Variants in TBCA observed in about 807,000 individuals in gnomAD.
TBCA encodes the protein tubulin folding cofactor A, also known as tubulin-specific chaperone A.
A neutral mutation model predicts 15.8 loss-of-function variants in TBCA; 6 were observed. The observed-to-expected ratio is 0.38, with a 90% CI of 0.21 to 0.75. The LOEUF (loss-of-function observed/expected upper bound fraction) is 0.75, where lower values mean the gene tolerates loss of function less well. TBCA is among the 30% of genes least tolerant of loss of function. The probability of loss-of-function intolerance (pLI) is 0.46; values close to 1 mark genes in which losing one functional copy is unlikely to be tolerated. For missense variants in TBCA, 90 were observed against 131.2 expected (o/e 0.69, Z 1.53); for synonymous variants, 32 against 42.3 (o/e 0.76, Z 0.94).
At chr5:77,717,091 T>C (rs1746414405) in intron 1 of TBCA, among the ~76,000 whole-genome samples, 1 of 152,224 alleles carries the variant, frequency 6.6e-6, no homozygotes, top group African/African-American at 2.4e-5. Context: ...GAGGAAATCC[T>C]GCCTAAAAAG....
intron 1 of TBCA, among the ~76,000 whole-genome samples, chr5:77,738,884 C>G (rs1391819766): frequency 6.6e-6 from 1 of 152,018 alleles, no homozygotes; most frequent in African/African-American, 2.4e-5. Context: ...CACCTGGCCT[C>G]AAGTCACCAG....
intron 1 of TBCA, among the ~76,000 whole-genome samples, chr5:77,760,952 G>A (rs1271248867): frequency 2.3e-5 from 2 of 87,982 alleles, no homozygotes; most frequent in African/African-American, 9.0e-5. Flanking sequence ...ACCTCTGCCC[G>A]GCCACCCATC....
At chr5:77,741,123 T>C (rs534448301) in intron 1 of TBCA, among the ~76,000 whole-genome samples, 6 of 152,324 alleles carry the variant, frequency 3.9e-5, no homozygotes, top group Admixed American at 3.3e-4. Context: ...TGATCTTTTT[T>C]ACTGCTACTA....
chr5:77,713,019 T>C (rs1272145197), intron 1 of TBCA, among the ~76,000 whole-genome samples: 1 of 152,102 alleles, frequency 6.6e-6, no homozygotes, highest in Non-Finnish European at 1.5e-5. Flanking sequence ...TTGGGCCAGG[T>C]ACAGCGGCTC....
At chr5:77,692,662 T>C (rs1745780711) in intron 3 of TBCA, 1 of 984,450 alleles carries the variant, frequency 1.0e-6, no homozygotes, top group Non-Finnish European at 1.2e-6. Context: ...GCATTTAAAC[T>C]GTCAAGAAAT....
intron 2 of TBCA, among the ~76,000 whole-genome samples, chr5:77,704,435 G>A (rs1220861783): frequency 1.3e-5 from 2 of 152,204 alleles, no homozygotes; most frequent in Non-Finnish European, 2.9e-5. Flanking sequence ...GAAAGCCAGA[G>A]CAAAACGGAT....
In TBCA at chr5:77,770,903, C is replaced by T. The variant is rs184101244; in HGVS notation, c.53+5302G>A. On this transcript the variant is annotated intron_variant, in intron 1 of 3. Coordinates refer to ENST00000380377, the MANE Select transcript of TBCA (RefSeq NM_004607.3). ...ATAATTCCAGCACTTTGGGAGGCCA[C>T]GGCAGGTGGATCACCTGAGGTCAGG... Among the ~76,000 whole-genome samples the T allele has an allele frequency of 9.1e-3, 1,385 of 152,116 alleles. 16 individuals are homozygous for T. The highest frequency in any genetic ancestry group is 0.031 in the African/African-American group (1,285 of 41,490).
In TBCA at chr5:77,701,560, G is replaced by C. The variant is rs192234064; in HGVS notation, c.159+6682C>G. Among the ~76,000 whole-genome samples, 14 of 151,426 alleles carry C rather than the reference G, an allele frequency of 9.2e-5. No individual in the cohort carries two copies. The East Asian group carries it at 2.5e-3, about 27-fold the overall frequency. ...ATTCCTATTGGGTATCTACCCAGAG[G>C]AAAAGACGTCATTATATGAAAAAGA... On this transcript the variant is annotated intron_variant, in intron 2 of 3. Transcript: ENST00000380377.
At chr5:77,695,762 A>G (rs1268202743) in intron 2 of TBCA, among the ~76,000 whole-genome samples, 1 of 152,184 alleles carries the variant, frequency 6.6e-6, no homozygotes, top group African/African-American at 2.4e-5. Context: ...GTTTATTCTA[A>G]TGTTGACTAT....
At chr5:77,703,116 T>C (rs1161107275) in intron 2 of TBCA, among the ~76,000 whole-genome samples, 1 of 152,232 alleles carries the variant, frequency 6.6e-6, no homozygotes, top group African/African-American at 2.4e-5. Flanking sequence ...ATATACATCT[T>C]TTTCAAAAAG....
chr5:77,723,304 G>T (rs1258564595), intron 1 of TBCA, among the ~76,000 whole-genome samples: 1 of 151,786 alleles, frequency 6.6e-6, no homozygotes, highest in Non-Finnish European at 1.5e-5. Flanking sequence ...AAGTAAGATG[G>T]CTTCATTAGA....
At chr5:77,757,979 A>G (rs1384221597) in intron 1 of TBCA, among the ~76,000 whole-genome samples, 1 of 152,182 alleles carries the variant, frequency 6.6e-6, no homozygotes. Flanking sequence ...AAAGAATTCG[A>G]CTGAGGGGTA....
chr5:77,714,572 A>ATTTTTT (rs761180601), intron 1 of TBCA, among the ~76,000 whole-genome samples: 1 of 126,834 alleles, frequency 7.9e-6, no homozygotes, highest in African/African-American at 2.7e-5. Context: ...TATTATTATT[A>ATTTTTT]TTATTTTTTT....
intron 1 of TBCA, among the ~76,000 whole-genome samples, chr5:77,715,716 C>G (rs1308553387): frequency 1.3e-5 from 2 of 152,100 alleles, no homozygotes; most frequent in Non-Finnish European, 2.9e-5. Context: ...ACACAATAAG[C>G]AGTTAATAAC....
chr5:77,774,186 C>T (rs564505183), intron 1 of TBCA, among the ~76,000 whole-genome samples: 35 of 152,274 alleles, frequency 2.3e-4, no homozygotes, highest in African/African-American at 8.4e-4. Context: ...CAGCTTTACT[C>T]TAGTATGGCA....
rs563299551 is a variant in TBCA, at chr5:77,715,164, T to C, written c.54-6817A>G. 3 of 679,036 alleles carry C rather than the reference T, an allele frequency of 4.4e-6. No individual in the cohort carries two copies. The African/African-American group carries it at 5.4e-5, about 12-fold the overall frequency. 42.1% of individuals were successfully genotyped at this position (679,036 alleles called of 1,614,324 possible). A position where few individuals can be genotyped will look rare whatever the true frequency, so the allele number is the denominator to read the frequency against. On this transcript the variant is annotated intron_variant, in intron 1 of 3. Transcript: ENST00000380377. The stretch of plus-strand genomic sequence containing the variant: ...TGTAAATAACTGATGAAAGAAGTTA[T>C]AGGCCAAGGGATCTATTTTTAGTTA...
At chr5:77,715,612 TTGTAATATGAAGCAATTGG>T (rs769984802) in intron 1 of TBCA, among the ~76,000 whole-genome samples, 9 of 152,116 alleles carry the variant, frequency 5.9e-5, no homozygotes, top group Non-Finnish European at 1.0e-4. Context: ...ATGGTTATGG[TTGTAATATGAAGCAATTGG>T]TGAAAAAGAG....
intron 1 of TBCA, among the ~76,000 whole-genome samples, chr5:77,733,670 T>C (rs1270609863): frequency 6.6e-6 from 1 of 152,214 alleles, no homozygotes; most frequent in Non-Finnish European, 1.5e-5. Context: ...GACATCTCCA[T>C]AACATCAAAG....
intron 1 of TBCA, among the ~76,000 whole-genome samples, chr5:77,741,626 T>C (rs1747033519): frequency 6.6e-6 from 1 of 152,198 alleles, no homozygotes. Flanking sequence ...TAGTTAAGTA[T>C]TATCCAGAGC....
Sources: gnomAD v4.1 joint callset for allele counts (sites outside exome capture counted in the v4.1 genomes callset) on GRCh38, gnomAD v4.1.1 for gene constraint, MANE v1.5 for transcripts, NCBI Gene and HGNC (gene_info 2026-07-23, HGNC 2026-07-21) for gene names.